The following POU2F3 variants were observed in gnomAD, a reference collection of about 807,000 sequenced individuals.
The protein encoded by POU2F3 is POU domain, class 2, transcription factor 3.
Under a neutral mutation model 59.2 loss-of-function variants are expected in POU2F3, and 23 were observed. That is an observed-to-expected ratio of 0.39 (90% CI 0.28 to 0.55). POU2F3 has a LOEUF of 0.55. Ranked by LOEUF, POU2F3 falls within the 20% of genes least tolerant of loss-of-function variation. The pLI is 0.66. For synonymous variants in POU2F3, 190 were observed against 214.6 expected, an observed-to-expected ratio of 0.89 and a Z score of 1.00; for missense variants, 473 against 544.5, an observed-to-expected ratio of 0.87 and a Z score of 1.31.
chr11:120,239,481 G>A (rs1054947686), upstream of POU2F3, among the ~76,000 whole-genome samples: 1 of 152,148 alleles, frequency 6.6e-6, no homozygotes, highest in Non-Finnish European at 1.5e-5. Flanking sequence ...TCATCTCGTA[G>A]AGCCTCACAG....
chr11:120,307,849 A>G (rs1941542007), intron 9 of POU2F3, among the ~76,000 whole-genome samples: 1 of 152,094 alleles, frequency 6.6e-6, no homozygotes, highest in East Asian at 1.9e-4. Context: ...CCTGACATCT[A>G]TTTAGGGCCC....
intron 2 of POU2F3, among the ~76,000 whole-genome samples, chr11:120,263,739 A>G (rs1415811286): frequency 6.6e-6 from 1 of 152,206 alleles, no homozygotes; most frequent in Non-Finnish European, 1.5e-5. Context: ...TGGACTCTGA[A>G]AATAATGCTG....
At chr11:120,267,894 T>G (rs1565365261) in intron 2 of POU2F3, among the ~76,000 whole-genome samples, 1 of 139,302 alleles carries the variant, frequency 7.2e-6, no homozygotes. Flanking sequence ...TTTTCCTTGC[T>G]GTTATAGAAC....
At chr11:120,236,667 C>G (rs1373372769), upstream of POU2F3, 3 of 1,501,284 alleles carry the variant, frequency 2.0e-6, no homozygotes, top group Non-Finnish European at 2.7e-6. Context: ...CTCAAAAAAC[C>G]GGTTTCATGG....
At chr11:120,281,407 C>T (rs947285446) in intron 3 of POU2F3, among the ~76,000 whole-genome samples, 2 of 151,982 alleles carry the variant, frequency 1.3e-5, no homozygotes, top group African/African-American at 4.8e-5. Context: ...ATTCCCTTTT[C>T]TCTGTGACTG....
chr11:120,256,620 C>T (rs1439049553), intron 2 of POU2F3: 2 of 152,266 alleles, frequency 1.3e-5, no homozygotes, highest in Non-Finnish European at 2.9e-5. Context: ...GGAGATGCAT[C>T]TGTCACATTA....
chr11:120,303,489 A>G (rs1466424972), intron 6 of POU2F3: 2 of 152,306 alleles, frequency 1.3e-5, no homozygotes, highest in African/African-American at 4.8e-5. Context: ...GGGAAGTTGA[A>G]TCAGTGCAGT....
chr11:120,305,279 C>G, intron 7 of POU2F3, 67 bp downstream of exon 7: 1 of 1,558,022 alleles, frequency 6.4e-7, no homozygotes, highest in South Asian at 1.2e-5. Context: ...TTCCCAAGTG[C>G]AGGTTTCAAG....
intron 2 of POU2F3, among the ~76,000 whole-genome samples, chr11:120,262,907 A>G (rs76867785): frequency 0.047 from 7,140 of 151,910 alleles, 338 homozygotes; most frequent in South Asian, 0.2. Context: ...CTATCGTGGT[A>G]AAAAATGCAT....
At chr11:120,245,516 T>G (rs1306871380) in intron 1 of POU2F3, among the ~76,000 whole-genome samples, 1 of 152,140 alleles carries the variant, frequency 6.6e-6, no homozygotes, top group Non-Finnish European at 1.5e-5. Flanking sequence ...TGAATAAATA[T>G]TCTTCTGTCT....
In POU2F3 at chr11:120,315,654, C is replaced by T. The variant is rs1941765129; in HGVS notation, c.1135+227C>T. 2.6e-5 allele frequency among the ~76,000 whole-genome samples: 4 copies of T among 152,128 alleles called. No individual in the cohort carries two copies. The South Asian group carries it at 8.3e-4, about 31-fold the overall frequency. The stretch of plus-strand genomic sequence containing the variant: ...TTGTTTTGTTTTGCTTTAACTGCAG[C>T]ACTTCTAAGCACTTAGGTGCATAAA... On this transcript the variant is annotated intron_variant, in intron 11 of 12. Coordinates refer to ENST00000543440, the MANE Select transcript of POU2F3 (RefSeq NM_014352.4).
In POU2F3 at chr11:120,285,764, G is replaced by A. The variant is rs11217789; in HGVS notation, c.133-12501G>A. ...TACACACATATGTACAAATTATACC[G>A]TATATATTCTTTAGTGGCTTTTAAA... On this transcript the variant is annotated intron_variant, in intron 3 of 12. Transcript: ENST00000543440. The surrounding 1 kb of genome is among the most constrained non-coding windows in gnomAD (Gnocchi z 4.3). Among the ~76,000 whole-genome samples the A allele has an allele frequency of 0.01, 1,564 of 152,210 alleles. 32 individuals carry two copies. Among genetic ancestry groups the A allele is most frequent in the African/African-American group, 0.036 (1,490 of 41,528 alleles).
chr11:120,315,216 A>C, intron 10 of POU2F3, 145 bp from the exon 11 acceptor site: 1 of 727,734 alleles, frequency 1.4e-6, no homozygotes, highest in Non-Finnish European at 2.3e-6. Context: ...TCCCATAGAA[A>C]GGAGGATGGC....
chr11:120,312,660 A>G (rs987189454), intron 10 of POU2F3, among the ~76,000 whole-genome samples: 3 of 152,116 alleles, frequency 2.0e-5, no homozygotes, highest in Non-Finnish European at 4.4e-5. Context: ...CACCTGCTAT[A>G]TGTTTGGTAC....
At chr11:120,238,420 T>C (rs1225252228), upstream of POU2F3, among the ~76,000 whole-genome samples, 3 of 152,132 alleles carry the variant, frequency 2.0e-5, no homozygotes, top group Middle Eastern at 3.4e-3. Context: ...CTGATACCTG[T>C]TGTGTGCCCA....
At chr11:120,306,735 G>A in intron 8 of POU2F3, among the ~76,000 whole-genome samples, 1 of 152,144 alleles carries the variant, frequency 6.6e-6, no homozygotes, top group Non-Finnish European at 1.5e-5. Flanking sequence ...AAAGGGTGGG[G>A]CAGCCAGCCA....
chr11:120,307,486 T>G lies in POU2F3; in HGVS notation c.777T>G (p.Ser259=). The change falls in exon 9 of 13, where the codon TCT becomes TCG. Residue 259 remains serine (S), a synonymous_variant. Coordinates refer to ENST00000543440, the MANE Select transcript of POU2F3 (RefSeq NM_014352.4). ...TCCTTCGTGTCCCTGCAGAGTCCTCTCCGTCAGACCCCTCAGTGAGCACGC... is the reference window on the plus strand; with the variant it reads ...TCCTTCGTGTCCCTGCAGAGTCCTCGCCGTCAGACCCCTCAGTGAGCACGC... The part of the protein sequence containing the change: ...LEKWLNDAES[S]PSDPSVSTPS... The G allele has an allele frequency of 6.2e-7, 1 of 1,614,140 alleles. No homozygotes were observed. The highest frequency in any genetic ancestry group is 8.5e-7 in the Non-Finnish European group (1 of 1,180,012).
intron 2 of POU2F3, among the ~76,000 whole-genome samples, chr11:120,251,521 A>G (rs998064693): frequency 2.0e-5 from 3 of 152,202 alleles, no homozygotes; most frequent in Admixed American, 1.3e-4. Flanking sequence ...TGGGCTAGGT[A>G]GCCTCTAGGA....
At position 120,302,379 on chromosome 11, in the gene POU2F3, C is replaced by T; in HGVS notation, c.444+11C>T. 6.3e-7 allele frequency: 1 copy of T among 1,576,616 alleles called. No individual in the cohort carries two copies. The highest frequency in any genetic ancestry group is 8.7e-7 in the Non-Finnish European group (1 of 1,146,060). On this transcript the variant is annotated intron_variant, in intron 6 of 12. Coordinates refer to ENST00000543440, the MANE Select transcript of POU2F3 (RefSeq NM_014352.4). ...GGACTGGCATCCCAGGTAAACAACC[C>T]CATTCTTCCTGTTTCCTCTAGGAAT...
Sources: allele counts gnomAD v4.1 joint callset (sites outside exome capture counted in the v4.1 genomes callset), GRCh38; gene constraint gnomAD v4.1.1; non-coding constraint Gnocchi (gnomAD v3.1); transcripts MANE v1.5; gene names NCBI Gene and HGNC (gene_info 2026-07-23, HGNC 2026-07-21).